The following SLC36A2 variants were observed in gnomAD, a reference collection of about 807,000 sequenced individuals.
The protein encoded by SLC36A2 is proton-coupled amino acid transporter 2.
Under a neutral mutation model 42.7 loss-of-function variants are expected in SLC36A2, and 39 were observed. The ratio of observed to expected loss-of-function variants is 0.91; its 90% CI spans 0.71 to 1.19. SLC36A2 has a LOEUF of 1.19. SLC36A2 is among the 50% of genes most tolerant of loss of function. SLC36A2 has a pLI of 0.00. For missense variants in SLC36A2, 590 were observed against 613.7 expected (o/e 0.96, Z 0.41); for synonymous variants, 237 against 240.8 (o/e 0.98, Z 0.15).
At chr5:151,328,414 A>C (rs1179377155) in intron 7 of SLC36A2, among the ~76,000 whole-genome samples, 6 of 152,238 alleles carry the variant, frequency 3.9e-5, no homozygotes, top group African/African-American at 1.4e-4. Context: ...GGACACCCAA[A>C]TCTTAGAACT....
intron 4 of SLC36A2, among the ~76,000 whole-genome samples, chr5:151,340,625 G>C (rs1756317358): frequency 6.6e-6 from 1 of 152,180 alleles, no homozygotes; most frequent in South Asian, 2.1e-4. Context: ...AGGTTTAATA[G>C]TAGCCAAGTG....
chr5:151,340,280 G>C, intron 4 of SLC36A2, among the ~76,000 whole-genome samples: 1 of 151,376 alleles, frequency 6.6e-6, no homozygotes, highest in East Asian at 1.9e-4. Flanking sequence ...GAAGAACTAA[G>C]AGAAGAGGAA....
Position 151,343,449 on chromosome 5 carries a change from C to A in SLC36A2, c.344+61G>T, listed in dbSNP as rs371675886. 10 of 1,509,548 alleles carry A rather than the reference C, an allele frequency of 6.6e-6. No homozygotes were observed. The East Asian group carries it at 2.0e-4, about 31-fold the overall frequency. The allele number at this position is 1,509,548 out of a possible 1,614,324, so 93.5% of individuals were successfully genotyped here. On this transcript the variant is annotated intron_variant, in intron 3 of 9. Transcript: ENST00000335244. ...AATTTCTATTATGCATAGGATGTTT[C>A]TGGGCTATCCCTGAGAACCATGCAC...
At chr5:151,335,214 C>G in intron 6 of SLC36A2, 115 bp downstream of exon 6, 1 of 737,752 alleles carries the variant, frequency 1.4e-6, no homozygotes, top group East Asian at 2.7e-5. Context: ...AGATGCATGT[C>G]TCTCATAACA....
At chr5:151,336,798 C>T (rs1490752188) in intron 5 of SLC36A2, among the ~76,000 whole-genome samples, 3 of 151,290 alleles carry the variant, frequency 2.0e-5, no homozygotes, top group Non-Finnish European at 4.4e-5. Context: ...TCTTACTGGA[C>T]AAGCAATACA....
rs554578281 is a variant in SLC36A2 at position 151,325,992 on chromosome 5, G to A, written c.844-540C>T. On this transcript the variant is annotated intron_variant, in intron 7 of 9. Coordinates refer to ENST00000335244, the MANE Select transcript of SLC36A2 (RefSeq NM_181776.3). ...ACTTAATATGTATGTATACTTGAAA[G>A]TGGTTAAGATGAGTAAATTTTATGT... is the stretch of plus-strand genomic sequence containing the variant. Among the ~76,000 whole-genome samples the A allele has an allele frequency of 8.8e-4, 134 of 152,276 alleles. 1 individual carries two copies. The highest frequency in any genetic ancestry group is 3.4e-3 in the Middle Eastern group (1 of 294).
chr5:151,335,535 CA>C lies in SLC36A2; in HGVS notation c.537del (p.Val180LeufsTer14). The C allele has an allele frequency of 6.2e-7, 1 of 1,613,560 alleles. No homozygotes were observed. ...TAGCAGTTGTTGGTTGTGCTATTAA[CA>C]GCTTCCACTACCTGAGGAAGGAATG... ...LADNLKQVVE[A>X]VNSTTNNCYS... On this transcript the variant is annotated frameshift_variant, in exon 6 of 10. Coordinates refer to ENST00000335244, the MANE Select transcript of SLC36A2 (RefSeq NM_181776.3). LOFTEE classifies it high-confidence loss of function.
At chr5:151,317,316 G>A (rs1002463995) in intron 9 of SLC36A2, among the ~76,000 whole-genome samples, 3 of 151,948 alleles carry the variant, frequency 2.0e-5, no homozygotes, top group Admixed American at 2.0e-4. Flanking sequence ...GCCGGGTGTG[G>A]TAGTGGGTGC....
intron 9 of SLC36A2, among the ~76,000 whole-genome samples, chr5:151,317,986 A>G (rs1358068937): frequency 1.3e-5 from 2 of 152,240 alleles, no homozygotes; most frequent in African/African-American, 2.4e-5. Flanking sequence ...GGAAGAACAA[A>G]TGGAAGATAT....
chr5:151,344,386 G>A (rs1756435287), intron 1 of SLC36A2, 119 bp from the exon 2 acceptor site: 2 of 847,914 alleles, frequency 2.4e-6, no homozygotes, highest in African/African-American at 1.7e-5. Flanking sequence ...CTCAGTCCAT[G>A]AGTCCTTGCC....
At chr5:151,340,064 G>A (rs1561660664) in intron 4 of SLC36A2, among the ~76,000 whole-genome samples, 1 of 151,546 alleles carries the variant, frequency 6.6e-6, no homozygotes, top group Non-Finnish European at 1.5e-5. Context: ...CAAAGAGAGA[G>A]AGAAAAAGAA....
Position 151,316,139 on chromosome 5 carries a change from T to C in SLC36A2, c.*678A>G, listed in dbSNP as rs9324688. 0.082 allele frequency: 12,463 copies of C among 152,482 alleles called. 789 individuals carry two copies. Among genetic ancestry groups the C allele is most frequent in the African/African-American group, 0.17 (7,093 of 41,528 alleles). The allele number at this position is 152,482 out of a possible 1,614,324, so 9.4% of individuals were successfully genotyped here. Reference sequence around the variant, plus strand: ...AGGGAAAACCGGTTGTCTGCCAAAGTGTGGACAGTCTTAGCTGGCTGCATC... The same window carrying C: ...AGGGAAAACCGGTTGTCTGCCAAAGCGTGGACAGTCTTAGCTGGCTGCATC... On this transcript the variant is annotated 3_prime_UTR_variant, in exon 10 of 10. Transcript: ENST00000335244.
chr5:151,323,575 C>G (rs1005384297), intron 8 of SLC36A2, among the ~76,000 whole-genome samples: 1 of 151,112 alleles, frequency 6.6e-6, no homozygotes, highest in African/African-American at 2.5e-5. Context: ...GGCAGTCCAA[C>G]TGGGACCTGG....
intron 7 of SLC36A2, among the ~76,000 whole-genome samples, chr5:151,331,395 C>A (rs1040556523): frequency 6.6e-6 from 1 of 151,880 alleles, no homozygotes; most frequent in African/African-American, 2.4e-5. Flanking sequence ...TAGCTCACTG[C>A]AGCCTTGAAC....
intron 4 of SLC36A2, among the ~76,000 whole-genome samples, chr5:151,340,125 G>C (rs1449566545): frequency 7.1e-6 from 1 of 139,918 alleles, no homozygotes; most frequent in Non-Finnish European, 1.5e-5. Context: ...AAGAGGAGGA[G>C]AAGGAGGAGG....
chr5:151,343,512 C>G lies in SLC36A2; in HGVS notation c.342G>C (p.Lys114Asn). Residue 114 changes from lysine to asparagine, a missense_variant and splice_region_variant, in exon 3 of 10, where the codon AAG becomes AAC. By Grantham distance (94) the Lys-to-Asn change is moderately conservative. Coordinates refer to ENST00000335244, the MANE Select transcript of SLC36A2 (RefSeq NM_181776.3). Reference protein sequence around the residue: ...ILVKCAQRFCKRLNKPFMDYG... With the variant: ...ILVKCAQRFCNRLNKPFMDYG... Reference sequence around the variant, plus strand: ...CACAAGGAGGCTGTTTTCCTCACCTCTTACAGAAGCGCTGGGCACACTTGA... The same window carrying G: ...CACAAGGAGGCTGTTTTCCTCACCTGTTACAGAAGCGCTGGGCACACTTGA... The G allele has an allele frequency of 6.2e-7, 1 of 1,614,188 alleles. No homozygotes were observed. Among genetic ancestry groups the G allele is most frequent in the Non-Finnish European group, 8.5e-7 (1 of 1,180,024 alleles).
intron 9 of SLC36A2, among the ~76,000 whole-genome samples, chr5:151,320,133 T>A (rs1755642135): frequency 6.6e-6 from 1 of 152,198 alleles, no homozygotes; most frequent in South Asian, 2.1e-4. Context: ...ATTAATATTT[T>A]TTTTTTCCCT....
chr5:151,325,416 G>T lies in SLC36A2; in HGVS notation c.880C>A (p.His294Asn), dbSNP rs1334885372. Residue 294 changes from histidine to asparagine, a missense_variant, in exon 8 of 10, where the codon CAC becomes AAC. Physicochemically the swap from His to Asn is moderately conservative, Grantham distance 68. Coordinates refer to ENST00000335244, the MANE Select transcript of SLC36A2 (RefSeq NM_181776.3). ...CCCAAAGACAGGATGGCTGGGAAGT[G>T]GCGGGCATTCTTCATCTTGTTTTCC... ...PLENKMKNAR[H>N]FPAILSLGMS... is the part of the protein sequence containing the mutation. The T allele has an allele frequency of 6.2e-7, 1 of 1,613,994 alleles. No individual in the cohort carries two copies.
At chr5:151,340,140 A>AGAGGAGGAGAAG (rs1756283434) in intron 4 of SLC36A2, among the ~76,000 whole-genome samples, 1 of 115,920 alleles carries the variant, frequency 8.6e-6, no homozygotes, top group Admixed American at 7.5e-5. Context: ...AGGAGGAAGA[A>AGAGGAGGAGAAG]GAGGAGGAGA....
Sources: allele counts gnomAD v4.1 joint callset (sites outside exome capture counted in the v4.1 genomes callset), GRCh38; gene constraint gnomAD v4.1.1; transcripts MANE v1.5; gene names NCBI Gene and HGNC (gene_info 2026-07-23, HGNC 2026-07-21).